Variants in FHIP2A observed in about 807,000 individuals in gnomAD.
The protein encoded by FHIP2A is FHF complex subunit HOOK interacting protein 2A.
A neutral mutation model predicts 93.5 loss-of-function variants in FHIP2A; 46 were observed. The observed-to-expected ratio is 0.49, with a 90% CI of 0.39 to 0.63. The LOEUF (loss-of-function observed/expected upper bound fraction) is 0.63, where lower values mean the gene tolerates loss of function less well. FHIP2A is among the 20% of genes least tolerant of loss of function. The pLI is 0.00. For missense variants in FHIP2A, 769 were observed against 909.7 expected, an observed-to-expected ratio of 0.85 and a Z score of 1.99; for synonymous variants, 332 against 326.5, an observed-to-expected ratio of 1.02 and a Z score of -0.18.
At chr10:114,865,771 C>T (rs2083825804), downstream of FHIP2A, among the ~76,000 whole-genome samples, 1 of 150,036 alleles carries the variant, frequency 6.7e-6, no homozygotes, top group South Asian at 2.1e-4. Flanking sequence ...TGAAGTTTTG[C>T]TAGAGTAACT....
Position 114,835,661 on chromosome 10 carries a change from T to A in FHIP2A, c.399+20T>A. On this transcript the variant is annotated intron_variant, in intron 4 of 16. Coordinates refer to ENST00000369248, the MANE Select transcript of FHIP2A (RefSeq NM_020940.4). ...GTGCAGGTATTTTGTTCCCCCTACA[T>A]AAAATCATTTTGTTTGATTTCTTTT... is the stretch of plus-strand genomic sequence containing the variant. 1 of 1,342,766 alleles carries A rather than the reference T, an allele frequency of 7.4e-7. No individual in the cohort carries two copies. The highest frequency in any genetic ancestry group is 2.3e-5 in the East Asian group (1 of 42,766). The allele number at this position is 1,342,766 out of a possible 1,614,324, so 83.2% of individuals were successfully genotyped here.
At position 114,863,715 on chromosome 10, in the gene FHIP2A, T is replaced by TCA; in HGVS notation, c.*2177_*2178dup. 7.7e-7 allele frequency: 1 copy of TCA among 1,298,640 alleles called. No homozygotes were observed. Among genetic ancestry groups the TCA allele is most frequent in the Middle Eastern group, 2.1e-4 (1 of 4,660 alleles). The allele number at this position is 1,298,640 out of a possible 1,614,324, so 80.4% of individuals were successfully genotyped here. On this transcript the variant is annotated 3_prime_UTR_variant, in exon 17 of 17. Coordinates refer to ENST00000369248, the MANE Select transcript of FHIP2A (RefSeq NM_020940.4). ...TTTGTTAGTGAAACATTGTACTGCA[T>TCA]CACCAGTTTTTCTTACCTTCTGTTG...
intron 16 of FHIP2A, 37 bp downstream of exon 16, chr10:114,861,371 T>C: frequency 6.2e-7 from 1 of 1,613,728 alleles, no homozygotes; most frequent in Non-Finnish European, 8.5e-7. Context: ...ATCCAAAAAT[T>C]TCAGTGAACT....
chr10:114,854,025 A>G (rs1466411765), intron 13 of FHIP2A, among the ~76,000 whole-genome samples: 1 of 152,238 alleles, frequency 6.6e-6, no homozygotes, highest in Non-Finnish European at 1.5e-5. Flanking sequence ...CAATTCAAGT[A>G]AATTACATAT....
intron 16 of FHIP2A, among the ~76,000 whole-genome samples, chr10:114,886,710 A>T (rs1201458242): frequency 6.8e-6 from 1 of 146,740 alleles, no homozygotes; most frequent in Non-Finnish European, 1.5e-5. Flanking sequence ...ACACCTGGCT[A>T]ATTTTTGTAT....
chr10:114,866,625 A>G (rs1241459907), downstream of FHIP2A, among the ~76,000 whole-genome samples: 2 of 152,228 alleles, frequency 1.3e-5, no homozygotes, highest in Non-Finnish European at 2.9e-5. Flanking sequence ...ACCAGGTATT[A>G]AGGTGCTAGG....
chr10:114,878,297 T>A (rs1437645513), intron 16 of FHIP2A, among the ~76,000 whole-genome samples: 1 of 152,122 alleles, frequency 6.6e-6, no homozygotes. Flanking sequence ...GGAGGATCAG[T>A]TTCACGCCCA....
rs1592021271 is a variant in FHIP2A at position 114,849,228 on chromosome 10, C to A, written c.1803+491C>A. ...TTTGCACTTCACCGATTGTGTGTCT[C>A]CATCTCAAGATTTCTTTGTGCTCTT... On this transcript the variant is annotated intron_variant, in intron 13 of 16. Coordinates refer to ENST00000369248, the MANE Select transcript of FHIP2A (RefSeq NM_020940.4). 4.6e-5 allele frequency among the ~76,000 whole-genome samples: 7 copies of A among 151,578 alleles called. No individual in the cohort carries two copies. The South Asian group carries it at 1.5e-3, about 32-fold the overall frequency.
At chr10:114,823,364 A>C (rs1033021389) in intron 1 of FHIP2A, among the ~76,000 whole-genome samples, 1 of 152,220 alleles carries the variant, frequency 6.6e-6, no homozygotes, top group Non-Finnish European at 1.5e-5. Context: ...GGTAGACTTC[A>C]AGACAACTTT....
At chr10:114,858,460 T>C (rs928912309) in intron 14 of FHIP2A, among the ~76,000 whole-genome samples, 8 of 152,262 alleles carry the variant, frequency 5.3e-5, no homozygotes, top group African/African-American at 1.9e-4. Context: ...AAAGCCAAAT[T>C]GTACTGATTT....
chr10:114,880,257 C>T (rs1038828400), intron 16 of FHIP2A, among the ~76,000 whole-genome samples: 4 of 152,036 alleles, frequency 2.6e-5, no homozygotes, highest in Non-Finnish European at 4.4e-5. Flanking sequence ...CTTCTTTTGG[C>T]GATAATGAAA....
chr10:114,874,146 GCA>G (rs1228500875), intron 16 of FHIP2A, among the ~76,000 whole-genome samples: 1 of 152,224 alleles, frequency 6.6e-6, no homozygotes, highest in Non-Finnish European at 1.5e-5. Context: ...TGAGTGGGAA[GCA>G]CAGCTGAACT....
At chr10:114,859,892 G>T (rs11196954) in intron 14 of FHIP2A, among the ~76,000 whole-genome samples, 19,680 of 152,134 alleles carry the variant, frequency 0.13, 1,433 homozygotes, top group East Asian at 0.21. Context: ...GAGGCATAGG[G>T]TCGTCATCAG....
rs2083606592 is a variant in FHIP2A, at chr10:114,831,328, G to A, written c.124+398G>A. On this transcript the variant is annotated intron_variant, in intron 2 of 16. Transcript: ENST00000369248. Reference sequence around the variant, plus strand: ...GTGGACAGTTGGCTATTTTAGGTTAGAGAAAACCTCATTGCCCAATATGAC... The same window carrying A: ...GTGGACAGTTGGCTATTTTAGGTTAAAGAAAACCTCATTGCCCAATATGAC... 2.0e-5 allele frequency among the ~76,000 whole-genome samples: 3 copies of A among 152,196 alleles called. No homozygotes were observed. In the South Asian group the frequency reaches 6.2e-4, roughly 32 times the overall value.
intron 2 of FHIP2A, among the ~76,000 whole-genome samples, chr10:114,832,484 AT>A (rs2143010023): frequency 6.6e-6 from 1 of 152,232 alleles, no homozygotes; most frequent in South Asian, 2.1e-4. Context: ...ATCCCAGGTT[AT>A]TTGCCTTCAT....
At chr10:114,866,501 G>T (rs1393025927), downstream of FHIP2A, among the ~76,000 whole-genome samples, 1 of 152,122 alleles carries the variant, frequency 6.6e-6, no homozygotes, top group East Asian at 1.9e-4. Flanking sequence ...ACTATTGTGG[G>T]CATTAGAAAT....
At chr10:114,882,886 A>G (rs945238902) in intron 16 of FHIP2A, among the ~76,000 whole-genome samples, 38 of 151,848 alleles carry the variant, frequency 2.5e-4, no homozygotes, top group East Asian at 1.9e-4. Context: ...AAAAAAAAAA[A>G]AAAGAAAGAA....
intron 16 of FHIP2A, among the ~76,000 whole-genome samples, chr10:114,879,036 G>A (rs993752814): frequency 2.0e-5 from 3 of 152,106 alleles, no homozygotes; most frequent in Non-Finnish European, 4.4e-5. Context: ...ATTATTATGT[G>A]CCAGGCTTAT....
rs1188462210 is a variant in FHIP2A, at chr10:114,870,651, C to T, written c.2192+9317C>T. Among the ~76,000 whole-genome samples the T allele has an allele frequency of 5.3e-5, 8 of 152,100 alleles. No individual in the cohort carries two copies. In the South Asian group the frequency reaches 8.3e-4, roughly 16 times the overall value. On this transcript the variant is annotated intron_variant, in intron 16 of 16. Coordinates refer to the FHIP2A transcript ENST00000369250. ...GCAAGGCTACAGTAGTAACATCATC[C>T]GTGATGTTCAACAGATATTCACTAA...
Sources: allele counts gnomAD v4.1 joint callset (sites outside exome capture counted in the v4.1 genomes callset), GRCh38; gene constraint gnomAD v4.1.1; transcripts MANE v1.5; gene names NCBI Gene and HGNC (gene_info 2026-07-23, HGNC 2026-07-21).